The following DNM3 variants were observed in gnomAD, a reference collection of about 807,000 sequenced individuals.
The protein encoded by DNM3 is dynamin 3, also known as dynamin-3.
In DNM3, 47 loss-of-function variants were observed where a neutral mutation model predicts 101.6. The observed-to-expected ratio is 0.46, with a 90% CI of 0.37 to 0.59. The LOEUF is 0.59. DNM3 is among the 20% of genes least tolerant of loss of function. The pLI, the probability that DNM3 is intolerant of heterozygous loss-of-function variation, is 0.00. For synonymous variants in DNM3, 385 were observed against 387.9 expected, an observed-to-expected ratio of 0.99 and a Z score of 0.09; for missense variants, 849 against 1,085.7, an observed-to-expected ratio of 0.78 and a Z score of 3.06.
At chr1:171,989,785 G>A (rs536968054) in intron 4 of DNM3, among the ~76,000 whole-genome samples, 8 of 152,258 alleles carry the variant, frequency 5.3e-5, no homozygotes, top group African/African-American at 1.4e-4. Flanking sequence ...TCTGTTTAAA[G>A]TGATTGTGGA....
At chr1:172,053,605 A>G (rs529038171) in intron 10 of DNM3, among the ~76,000 whole-genome samples, 5 of 152,128 alleles carry the variant, frequency 3.3e-5, no homozygotes, top group Non-Finnish European at 7.4e-5. Flanking sequence ...CCAACTCCAC[A>G]TAGGGGCATT....
chr1:171,964,154 T>G (rs2043409268), intron 2 of DNM3, among the ~76,000 whole-genome samples: 1 of 152,204 alleles, frequency 6.6e-6, no homozygotes, highest in Non-Finnish European at 1.5e-5. Context: ...CCTGCAAAGC[T>G]GTCTCCTGTG....
At chr1:172,413,961 A>C (rs1322810871), downstream of DNM3, among the ~76,000 whole-genome samples, 1 of 152,222 alleles carries the variant, frequency 6.6e-6, no homozygotes, top group Admixed American at 6.5e-5. Context: ...ATGATTTTGA[A>C]GTATGTTAAT....
Position 172,409,945 on chromosome 1 carries a change from G to C in DNM3, c.*2104G>C. ...GCACAAACCATGTCAAAAAAAATTG[G>C]AGATTTTTTTCCAATTTTCCTTCCA... On this transcript the variant is annotated 3_prime_UTR_variant, in exon 21 of 21. Transcript: ENST00000627582. 1 of 985,660 alleles carries C rather than the reference G, an allele frequency of 1.0e-6. No homozygotes were observed. Among genetic ancestry groups the C allele is most frequent in the South Asian group, 4.7e-5 (1 of 21,278 alleles). 61.1% of individuals were successfully genotyped at this position (985,660 alleles called of 1,614,324 possible).
intron 18 of DNM3, among the ~76,000 whole-genome samples, chr1:172,382,883 C>T (rs922725859): frequency 6.6e-6 from 1 of 152,136 alleles, no homozygotes; most frequent in Non-Finnish European, 1.5e-5. Flanking sequence ...CTGTAGCCTG[C>T]GCCCCTGGAC....
At chr1:171,941,075 A>C (rs2041778593) in intron 2 of DNM3, among the ~76,000 whole-genome samples, 1 of 152,184 alleles carries the variant, frequency 6.6e-6, no homozygotes, top group Non-Finnish European at 1.5e-5. Flanking sequence ...TCATTAAAAA[A>C]ACTCATGAAG....
At chr1:171,973,802 T>C (rs2044184818) in intron 2 of DNM3, among the ~76,000 whole-genome samples, 1 of 152,002 alleles carries the variant, frequency 6.6e-6, no homozygotes, top group Admixed American at 6.6e-5. Flanking sequence ...TAGTTGGGTC[T>C]ACAGGCATGT....
intron 14 of DNM3, among the ~76,000 whole-genome samples, chr1:172,212,209 C>A (rs965715306): frequency 7.9e-5 from 12 of 152,026 alleles, no homozygotes; most frequent in African/African-American, 2.9e-4. Flanking sequence ...GAAAGGATGT[C>A]GATTATGAGA....
intron 11 of DNM3, among the ~76,000 whole-genome samples, chr1:172,080,854 T>A (rs929359168): frequency 3.3e-5 from 5 of 152,128 alleles, no homozygotes; most frequent in African/African-American, 1.2e-4. Flanking sequence ...GCACAGTCAG[T>A]CATGGCTTCC....
intron 15 of DNM3, among the ~76,000 whole-genome samples, chr1:172,280,355 G>A (rs1386948584): frequency 6.6e-6 from 1 of 152,010 alleles, no homozygotes; most frequent in Admixed American, 6.6e-5. Flanking sequence ...TTTAGTATAA[G>A]TTCAGTGAAG....
intron 14 of DNM3, among the ~76,000 whole-genome samples, chr1:172,246,300 G>A (rs1328583365): frequency 6.6e-6 from 1 of 152,040 alleles, no homozygotes; most frequent in East Asian, 1.9e-4. Flanking sequence ...TAATGGACAG[G>A]TTTCCTCATA....
At chr1:172,357,983 A>G (rs975930122) in intron 17 of DNM3, among the ~76,000 whole-genome samples, 3 of 152,046 alleles carry the variant, frequency 2.0e-5, no homozygotes, top group Non-Finnish European at 4.4e-5. Flanking sequence ...CTGAAGCACA[A>G]GGTTCCTACT....
At chr1:172,145,562 A>G (rs561600638) in intron 14 of DNM3, among the ~76,000 whole-genome samples, 1 of 152,234 alleles carries the variant, frequency 6.6e-6, no homozygotes, top group South Asian at 2.1e-4. Flanking sequence ...CATGGCCTCT[A>G]CATGAGTAAT....
intron 2 of DNM3, among the ~76,000 whole-genome samples, chr1:171,925,715 G>A (rs1224501178): frequency 6.6e-6 from 1 of 152,118 alleles, no homozygotes; most frequent in African/African-American, 2.4e-5. Context: ...GTTTAGTTAA[G>A]TCCCGTTTGT....
At chr1:171,995,280 C>T (rs1197366768) in intron 4 of DNM3, among the ~76,000 whole-genome samples, 1 of 151,504 alleles carries the variant, frequency 6.6e-6, no homozygotes, top group Non-Finnish European at 1.5e-5. Flanking sequence ...TAATTTTTTG[C>T]ATTTAGTGGA....
intron 18 of DNM3, among the ~76,000 whole-genome samples, chr1:172,386,409 C>T (rs1322086763): frequency 2.6e-5 from 4 of 152,176 alleles, no homozygotes; most frequent in African/African-American, 9.6e-5. Flanking sequence ...AACAAAATGC[C>T]CCTCCCCCTG....
chr1:172,115,471 C>T (rs2055824093), intron 13 of DNM3, among the ~76,000 whole-genome samples: 1 of 152,158 alleles, frequency 6.6e-6, no homozygotes, highest in South Asian at 2.1e-4. Context: ...TGTTCAAAAC[C>T]CTCTAGTGAT....
chr1:172,163,441 T>C (rs1314560406), intron 14 of DNM3, among the ~76,000 whole-genome samples: 9 of 151,950 alleles, frequency 5.9e-5, no homozygotes, highest in Non-Finnish European at 1.3e-4. Context: ...GGTTTCGCCA[T>C]GTTAGCCAGG....
chr1:172,182,450 C>T (rs1572859231), intron 14 of DNM3, among the ~76,000 whole-genome samples: 1 of 152,218 alleles, frequency 6.6e-6, no homozygotes, highest in South Asian at 2.1e-4. Context: ...TAATAAAACA[C>T]ACTTTTTCCC....
Sources: allele counts gnomAD v4.1 joint callset (sites outside exome capture counted in the v4.1 genomes callset), GRCh38; gene constraint gnomAD v4.1.1; transcripts MANE v1.5; gene names NCBI Gene and HGNC (gene_info 2026-07-23, HGNC 2026-07-21).